CDR2L: variants seen among roughly 807,000 people sequenced by gnomAD.
CDR2L encodes the protein cerebellar degeneration related protein 2 like.
In CDR2L, 19 loss-of-function variants were observed where a neutral mutation model predicts 36.1. The observed-to-expected ratio is 0.53, with a 90% CI of 0.37 to 0.77. The LOEUF is 0.77. Ranked by LOEUF, CDR2L falls within the 30% of genes least tolerant of loss-of-function variation. CDR2L has a pLI of 0.00. For missense variants in CDR2L, 575 were observed against 627.2 expected, an observed-to-expected ratio of 0.92 and a Z score of 0.89; for synonymous variants, 285 against 280.4, an observed-to-expected ratio of 1.02 and a Z score of -0.16.
chr17:74,995,443 G>C (rs1034707784), intron 1 of CDR2L, among the ~76,000 whole-genome samples: 1 of 148,650 alleles, frequency 6.7e-6, no homozygotes, highest in Admixed American at 6.7e-5. Flanking sequence ...GATTACAGGC[G>C]TGAGCCACCA....
rs896254136 is a variant in CDR2L, at chr17:75,005,180, C to T, written c.*1106C>T. On this transcript the variant is annotated 3_prime_UTR_variant, in exon 5 of 5. Transcript: ENST00000337231. This position sits in a 1 kb window ranked among gnomAD's most constrained non-coding sequence, Gnocchi z 4.2. ...AGGAACATGCTCCCTCCCTCCCTCCCATAAAATGCCTGCTCTTCACCTCCC... is the reference window on the plus strand; with the variant it reads ...AGGAACATGCTCCCTCCCTCCCTCCTATAAAATGCCTGCTCTTCACCTCCC... 8 of 152,300 alleles carry T rather than the reference C, an allele frequency of 5.3e-5. No homozygotes were observed. The highest frequency in any genetic ancestry group is 1.9e-4 in the African/African-American group (8 of 41,452). 9.4% of individuals were successfully genotyped at this position (152,300 alleles called of 1,614,324 possible).
chr17:74,997,120 T>G (rs1409991554), intron 1 of CDR2L, among the ~76,000 whole-genome samples: 2 of 141,608 alleles, frequency 1.4e-5, no homozygotes, highest in African/African-American at 5.2e-5. Flanking sequence ...GCTCTGTTAC[T>G]CAGGCTGGAG....
chr17:74,988,005 G>A lies in CDR2L; in HGVS notation c.-39G>A. The A allele has an allele frequency of 7.0e-7, 1 of 1,420,460 alleles. No homozygotes were observed. The highest frequency in any genetic ancestry group is 9.4e-7 in the Non-Finnish European group (1 of 1,060,976). 88.0% of individuals were successfully genotyped at this position (1,420,460 alleles called of 1,614,324 possible). On this transcript the variant is annotated 5_prime_UTR_variant, in exon 1 of 5. Transcript: ENST00000337231. ...CCCGGGCCGCGCGCACCGGCCCTGA[G>A]CTGCGCCGCCGCAGCACCCGCCCGC...
Position 75,004,024 on chromosome 17 carries a change from A to C in CDR2L, c.1348A>C (p.Thr450Pro). 6.2e-7 allele frequency: 1 copy of C among 1,610,970 alleles called. No individual in the cohort carries two copies. Among genetic ancestry groups the C allele is most frequent in the South Asian group, 1.1e-5 (1 of 90,624 alleles). Residue 450 changes from threonine (T) to proline (P), a missense_variant, in exon 5 of 5, where the codon ACC becomes CCC. Coordinates refer to ENST00000337231, the MANE Select transcript of CDR2L (RefSeq NM_014603.3). ...FKEIFSRIQK[T>P]KADINATKVK... Reference sequence around the variant, plus strand: ...AGAGATCTTCTCCAGGATCCAGAAGACCAAGGCTGACATCAACGCCACCAA... The same window carrying C: ...AGAGATCTTCTCCAGGATCCAGAAGCCCAAGGCTGACATCAACGCCACCAA...
chr17:74,989,018 G>A lies in CDR2L; in HGVS notation c.79+896G>A, dbSNP rs2039780285. 1.3e-5 allele frequency among the ~76,000 whole-genome samples: 2 copies of A among 151,940 alleles called. No homozygotes were observed. Among genetic ancestry groups the A allele is most frequent in the South Asian group, 2.1e-4 (1 of 4,826 alleles). ...GATGCCTCCTTCTTGGATGGTGAGA[G>A]CTGGAAGGGGCGAGGAAACATGTCC... On this transcript the variant is annotated intron_variant, in intron 1 of 4. Transcript: ENST00000337231. This position sits in a 1 kb window ranked among gnomAD's most constrained non-coding sequence, Gnocchi z 4.2.
rs1027394438 is a variant in CDR2L at position 75,004,324 on chromosome 17, TA to T, written c.*251del. ...TGAGTTCAAAGCCAAATGTCCCCAC[TA>T]CCCCAGGGATCCCCCAGCTCCCCCA... On this transcript the variant is annotated 3_prime_UTR_variant, in exon 5 of 5. Transcript: ENST00000337231. The T allele has an allele frequency of 3.6e-5, 15 of 412,428 alleles. No homozygotes were observed. Among genetic ancestry groups the T allele is most frequent in the African/African-American group, 2.9e-4 (14 of 48,568 alleles). 25.5% of individuals were successfully genotyped at this position (412,428 alleles called of 1,614,324 possible). A position where few individuals can be genotyped will look rare whatever the true frequency, so the allele number is the denominator to read the frequency against.
At chr17:74,998,265 C>T (rs1299027312) in intron 1 of CDR2L, among the ~76,000 whole-genome samples, 2 of 151,966 alleles carry the variant, frequency 1.3e-5, no homozygotes, top group Non-Finnish European at 2.9e-5. Flanking sequence ...TCCCAGCAAC[C>T]GATATTATAG....
Position 75,002,008 on chromosome 17 carries a change from A to G in CDR2L, c.342-56A>G. The G allele has an allele frequency of 7.0e-7, 1 of 1,436,532 alleles. No individual in the cohort carries two copies. 89.0% of individuals were successfully genotyped at this position (1,436,532 alleles called of 1,614,324 possible). ...TCTTCAGGGAGCCAGGGCTGCCGTG[A>G]GGCAAACTGGCCCCATCCCCTTAAA... On this transcript the variant is annotated intron_variant, in intron 3 of 4. Transcript: ENST00000337231. This position sits in a 1 kb window ranked among gnomAD's most constrained non-coding sequence, Gnocchi z 4.1.
At chr17:74,995,388 C>G (rs1262624216) in intron 1 of CDR2L, among the ~76,000 whole-genome samples, 1 of 152,120 alleles carries the variant, frequency 6.6e-6, no homozygotes, top group African/African-American at 2.4e-5. Context: ...GTCTTGAACT[C>G]CTTTACTAAA....
At chr17:74,992,500 C>T (rs1478284365) in intron 1 of CDR2L, among the ~76,000 whole-genome samples, 1 of 152,118 alleles carries the variant, frequency 6.6e-6, no homozygotes, top group African/African-American at 2.4e-5. Flanking sequence ...CCAGCTCCCC[C>T]ATTCTCCCGT....
intron 1 of CDR2L, among the ~76,000 whole-genome samples, chr17:74,996,370 G>A (rs922871267): frequency 6.6e-6 from 1 of 151,364 alleles, no homozygotes; most frequent in East Asian, 1.9e-4. Context: ...CTTGAACCCG[G>A]GAGGCGGAGG....
At position 75,003,810 on chromosome 17, in the gene CDR2L, GGCCGGAGTGCGGCAC is replaced by G. The variant is rs1237644997; in HGVS notation, c.1140_1154del (p.Arg382_Val386del). Reference sequence around the variant, plus strand: ...TGCTGAGCAAGTGCCGGCAGCACGGGGCCGGAGTGCGGCACGCCGGCGTGCAGACCTCGCGCCCCA... The same window carrying G: ...TGCTGAGCAAGTGCCGGCAGCACGGGGCCGGCGTGCAGACCTCGCGCCCCA... On this transcript the variant is annotated inframe_deletion, in exon 5 of 5. Coordinates refer to ENST00000337231, the MANE Select transcript of CDR2L (RefSeq NM_014603.3). 2 of 1,549,100 alleles carry G rather than the reference GGCCGGAGTGCGGCAC, an allele frequency of 1.3e-6. No homozygotes were observed. Among genetic ancestry groups the G allele is most frequent in the Non-Finnish European group, 1.7e-6 (2 of 1,146,536 alleles).
At chr17:74,988,487 G>A (rs1339409721) in intron 1 of CDR2L, among the ~76,000 whole-genome samples, 1 of 152,216 alleles carries the variant, frequency 6.6e-6, no homozygotes, top group Non-Finnish European at 1.5e-5. Context: ...GCCGGGAGGC[G>A]GCTCCTTCGT....
chr17:75,000,739 C>A (rs1322864559), intron 2 of CDR2L, among the ~76,000 whole-genome samples: 1 of 150,592 alleles, frequency 6.6e-6, no homozygotes, highest in Non-Finnish European at 1.5e-5. Flanking sequence ...ACGGTGAAAC[C>A]CCATCTCTAC....
At chr17:74,993,560 T>C (rs1468765764) in intron 1 of CDR2L, among the ~76,000 whole-genome samples, 4 of 152,232 alleles carry the variant, frequency 2.6e-5, no homozygotes, top group Non-Finnish European at 4.4e-5. Context: ...AGGTCATAAA[T>C]TCATACAGCA....
At chr17:74,998,003 G>A (rs948746567) in intron 1 of CDR2L, among the ~76,000 whole-genome samples, 1 of 151,288 alleles carries the variant, frequency 6.6e-6, no homozygotes, top group African/African-American at 2.4e-5. Flanking sequence ...GGTGGATCAC[G>A]AGGTCAGGAG....
Position 74,987,743 on chromosome 17 carries a change from G to C in CDR2L, c.-301G>C, listed in dbSNP as rs979685964. ...CGCGCGCTCCTAGCGCCCCAGACCC[G>C]CCTGCGGGCCCGGATCCTCCTTGCC... is the stretch of plus-strand genomic sequence containing the variant. On this transcript the variant is annotated 5_prime_UTR_variant, in exon 1 of 5. Transcript: ENST00000337231. The C allele has an allele frequency of 5.6e-6, 1 of 177,278 alleles. No individual in the cohort carries two copies. The highest frequency in any genetic ancestry group is 1.2e-5 in the Non-Finnish European group (1 of 84,814). The allele number at this position is 177,278 out of a possible 1,614,324, so 11.0% of individuals were successfully genotyped here.
Position 74,989,725 on chromosome 17 carries a change from G to A in CDR2L, c.79+1603G>A, listed in dbSNP as rs1482511868. Among the ~76,000 whole-genome samples, 1 of 152,062 alleles carries A rather than the reference G, an allele frequency of 6.6e-6. No individual in the cohort carries two copies. Among genetic ancestry groups the A allele is most frequent in the East Asian group, 1.9e-4 (1 of 5,190 alleles). ...GTTGGAGTGTAATGGTGCGATCTCA[G>A]CTCACTGCAACCTCCATCTCCCGGG... On this transcript the variant is annotated intron_variant, in intron 1 of 4. Transcript: ENST00000337231. This position sits in a 1 kb window ranked among gnomAD's most constrained non-coding sequence, Gnocchi z 4.2.
intron 1 of CDR2L, among the ~76,000 whole-genome samples, chr17:74,992,663 G>A (rs1009447493): frequency 3.3e-5 from 5 of 152,150 alleles, no homozygotes; most frequent in Admixed American, 6.5e-5. Context: ...CTTAGCTTGC[G>A]CTGTGATCCA....
Sources: gnomAD v4.1 joint callset for allele counts (sites outside exome capture counted in the v4.1 genomes callset) on GRCh38, gnomAD v4.1.1 for gene constraint, Gnocchi (gnomAD v3.1) non-coding constraint, MANE v1.5 for transcripts, NCBI Gene and HGNC (gene_info 2026-07-23, HGNC 2026-07-21) for gene names.